Variants in VPS13B observed in about 807,000 individuals in gnomAD.
The protein encoded by VPS13B is intermembrane lipid transfer protein VPS13B.
A neutral mutation model predicts 426.4 loss-of-function variants in VPS13B; 285 were observed. That is an observed-to-expected ratio of 0.67 (90% CI 0.61 to 0.74). The LOEUF (loss-of-function observed/expected upper bound fraction) is 0.74, where lower values mean the gene tolerates loss of function less well. VPS13B is among the 30% of genes least tolerant of loss of function. VPS13B has a pLI of 0.00. For missense variants in VPS13B, 4,537 were observed against 4,782.6 expected, an observed-to-expected ratio of 0.95 and a Z score of 1.51; for synonymous variants, 1,676 against 1,676.4, an observed-to-expected ratio of 1.00 and a Z score of 0.01.
chr8:99,775,724 C>T (rs1207447264), intron 40 of VPS13B, among the ~76,000 whole-genome samples: 1 of 152,090 alleles, frequency 6.6e-6, no homozygotes, highest in Admixed American at 6.6e-5. Context: ...ATGTTGAAAC[C>T]CCATCTCTAC....
intron 17 of VPS13B, chr8:99,234,349 C>T (rs1816522409): frequency 1.3e-6 from 1 of 744,970 alleles, no homozygotes; most frequent in Non-Finnish European, 2.5e-6. Context: ...CATCCAACAT[C>T]GCCCACTGCA....
intron 2 of VPS13B, among the ~76,000 whole-genome samples, chr8:99,028,732 C>T (rs1365377046): frequency 2.1e-5 from 3 of 145,654 alleles, no homozygotes; most frequent in African/African-American, 7.6e-5. Flanking sequence ...ACCCCCCCAC[C>T]TCCCTCCTGG....
At chr8:99,224,295 T>A (rs1462544156) in intron 17 of VPS13B, among the ~76,000 whole-genome samples, 1 of 152,190 alleles carries the variant, frequency 6.6e-6, no homozygotes, top group African/African-American at 2.4e-5. Flanking sequence ...ATGGAAACAT[T>A]TCTAAGTTTT....
At chr8:99,339,300 G>A (rs1811106776) in intron 19 of VPS13B, among the ~76,000 whole-genome samples, 1 of 152,064 alleles carries the variant, frequency 6.6e-6, no homozygotes, top group South Asian at 2.1e-4. Flanking sequence ...ACAGTAGGCT[G>A]TACAGGAACG....
At chr8:99,096,820 T>C (rs1479276863) in intron 4 of VPS13B, among the ~76,000 whole-genome samples, 2 of 151,898 alleles carry the variant, frequency 1.3e-5, no homozygotes, top group Admixed American at 6.6e-5. Flanking sequence ...TTTAGTATCA[T>C]AAAACTTTTA....
chr8:99,834,501 C>T (rs569548540), intron 52 of VPS13B, among the ~76,000 whole-genome samples: 1 of 152,192 alleles, frequency 6.6e-6, no homozygotes, highest in South Asian at 2.1e-4. Flanking sequence ...CCCAAATTCT[C>T]TAGTAGTCCT....
At chr8:99,221,745 AC>A (rs909500894) in intron 17 of VPS13B, among the ~76,000 whole-genome samples, 1 of 152,074 alleles carries the variant, frequency 6.6e-6, no homozygotes, top group Non-Finnish European at 1.5e-5. Flanking sequence ...TCACTCTGTC[AC>A]CCAAGCTAGA....
At chr8:99,582,031 C>G (rs1826088564) in intron 33 of VPS13B, among the ~76,000 whole-genome samples, 3 of 151,728 alleles carry the variant, frequency 2.0e-5, no homozygotes. Context: ...CAGCCAAAGC[C>G]AAATTTACAA....
At chr8:99,657,470 T>TGTGTCTGTG (rs60760111) in intron 34 of VPS13B, among the ~76,000 whole-genome samples, 1 of 146,908 alleles carries the variant, frequency 6.8e-6, no homozygotes, top group African/African-American at 2.5e-5. Flanking sequence ...ACTTTAAAAA[T>TGTGTCTGTG]TGTGTGTGTG....
Position 99,823,869 on chromosome 8 carries a change from G to A in VPS13B, c.9221G>A (p.Gly3074Asp), listed in dbSNP as rs770510961. The stretch of plus-strand genomic sequence containing the variant: ...TGCATTTCCTCCATGGTACAGCAAG[G>A]TATACAAATTATTCAGATTGAAGAC... Reference protein sequence around the residue: ...QFCISSMVQQGIQIIQIEDKT... With the variant: ...QFCISSMVQQDIQIIQIEDKT... The change falls in exon 51 of 62, where the codon GGT (glycine) becomes GAT (aspartate). Residue 3074 changes from glycine (G) to aspartate (D), a missense_variant. By Grantham distance (94) the Gly-to-Asp change is moderately conservative. Coordinates refer to ENST00000357162, the MANE Select transcript of VPS13B (RefSeq NM_152564.5). 1 of 1,613,524 alleles carries A rather than the reference G, an allele frequency of 6.2e-7. No homozygotes were observed. The highest frequency in any genetic ancestry group is 8.5e-7 in the Non-Finnish European group (1 of 1,179,816).
Position 99,170,115 on chromosome 8 carries a change from C to T in VPS13B, c.2285C>T (p.Ser762Phe). 1 of 1,613,018 alleles carries T rather than the reference C, an allele frequency of 6.2e-7. No individual in the cohort carries two copies. The highest frequency in any genetic ancestry group is 8.5e-7 in the Non-Finnish European group (1 of 1,179,092). The part of the protein sequence containing the change: ...SYCLPVPVIP[S>F]FSTALYGKLL... Reference sequence around the variant, plus strand: ...TGCTTACCTGTACCAGTTATTCCCTCTTTCAGCACTGCTCTTTATGGGAAA... The same window carrying T: ...TGCTTACCTGTACCAGTTATTCCCTTTTTCAGCACTGCTCTTTATGGGAAA... The change falls in exon 16 of 62, where the codon TCT becomes TTT. Residue 762 changes from serine (S) to phenylalanine (F), a missense_variant. Transcript: ENST00000357162.
rs138777864 is a variant in VPS13B, at chr8:99,112,004, A to C, written c.762+725A>C. Among the ~76,000 whole-genome samples the C allele has an allele frequency of 3.1e-3, 468 of 152,062 alleles. 2 individuals are homozygous for C. The highest frequency in any genetic ancestry group is 1.0e-2 in the African/African-American group (413 of 41,502). On this transcript the variant is annotated intron_variant, in intron 6 of 61. Transcript: ENST00000357162. ...GTCTGTTGTTCCCATCTTTATGTCCATGTGTACCCAAGATTTAGCTTCCAC... is the reference window on the plus strand; with the variant it reads ...GTCTGTTGTTCCCATCTTTATGTCCCTGTGTACCCAAGATTTAGCTTCCAC...
chr8:99,200,750 T>C (rs953903503), intron 17 of VPS13B, among the ~76,000 whole-genome samples: 1 of 152,174 alleles, frequency 6.6e-6, no homozygotes, highest in Non-Finnish European at 1.5e-5. Flanking sequence ...CCTCTTTTTC[T>C]TTTAAATTGT....
chr8:99,537,179 T>C (rs936399019), intron 30 of VPS13B, among the ~76,000 whole-genome samples: 1 of 152,164 alleles, frequency 6.6e-6, no homozygotes, highest in Non-Finnish European at 1.5e-5. Flanking sequence ...AATTTGAAAA[T>C]GTCTATCATC....
intron 3 of VPS13B, among the ~76,000 whole-genome samples, chr8:99,046,892 T>C (rs1056546526): frequency 6.6e-6 from 1 of 152,162 alleles, no homozygotes; most frequent in Non-Finnish European, 1.5e-5. Flanking sequence ...TGATCATGGG[T>C]GGATTATCTT....
At chr8:99,272,248 G>T (rs117177924) in intron 17 of VPS13B, among the ~76,000 whole-genome samples, 5,131 of 152,188 alleles carry the variant, frequency 0.034, 130 homozygotes, top group Non-Finnish European at 0.049. Flanking sequence ...AATTACGTTG[G>T]TGGGTTTTCA....
At chr8:99,314,929 A>C (rs1379192910) in intron 19 of VPS13B, among the ~76,000 whole-genome samples, 1 of 152,044 alleles carries the variant, frequency 6.6e-6, no homozygotes. Flanking sequence ...TTTTTTATCT[A>C]ATATAAGTAT....
intron 21 of VPS13B, among the ~76,000 whole-genome samples, chr8:99,430,774 G>T (rs1453278499): frequency 1.3e-5 from 2 of 150,608 alleles, no homozygotes; most frequent in African/African-American, 4.9e-5. Context: ...GTAGTGCAGT[G>T]GCGCAATCTC....
intron 19 of VPS13B, among the ~76,000 whole-genome samples, chr8:99,332,456 A>C (rs1036038298): frequency 5.3e-5 from 8 of 151,622 alleles, no homozygotes; most frequent in African/African-American, 1.9e-4. Context: ...AATCAGTTCA[A>C]GTGTTTTAGA....
Sources: allele counts gnomAD v4.1 joint callset (sites outside exome capture counted in the v4.1 genomes callset), GRCh38; gene constraint gnomAD v4.1.1; transcripts MANE v1.5; gene names NCBI Gene and HGNC (gene_info 2026-07-23, HGNC 2026-07-21).